The following PUDP variants were observed in gnomAD, a reference collection of about 807,000 sequenced individuals.
PUDP encodes the protein pseudouridine 5'-phosphatase, also known as pseudouridine-5'-phosphatase.
Under a neutral mutation model 9.4 loss-of-function variants are expected in PUDP, and 8 were observed. That is an observed-to-expected ratio of 0.85 (90% CI 0.50 to 1.53). The LOEUF (loss-of-function observed/expected upper bound fraction) is 1.53. Ranked by LOEUF, PUDP falls within the 40% of genes most tolerant of loss-of-function variation. The pLI is 0.00. For missense variants in PUDP, 188 were observed against 189.7 expected (o/e 0.99, Z 0.05); for synonymous variants, 99 against 80.7 (o/e 1.23, Z -1.22).
chrX:7,035,821 G>A (rs1165938153), intron 1 of PUDP, among the ~76,000 whole-genome samples: 5 of 111,774 alleles, frequency 4.5e-5, no homozygotes, highest in Non-Finnish European at 9.4e-5. Context: ...AGCTCATGTT[G>A]AAATTTAGTC....
intron 3 of PUDP, among the ~76,000 whole-genome samples, chrX:6,882,652 G>C (rs187769767): frequency 0.012 from 1,311 of 111,723 alleles, 66 homozygotes; most frequent in Admixed American, 0.11. Flanking sequence ...AGGCAATAAA[G>C]AAAATCCAAC....
chrX:6,841,990 G>A (rs1220253919), intron 3 of PUDP, among the ~76,000 whole-genome samples: 5 of 111,359 alleles, frequency 4.5e-5, no homozygotes, highest in Non-Finnish European at 9.4e-5. Flanking sequence ...GCTGTTGCAT[G>A]TGTGTGCTGC....
At chrX:6,710,664 A>G (rs16984281) in intron 1 of PUDP, among the ~76,000 whole-genome samples, 3,415 of 112,158 alleles carry the variant, frequency 0.03, 137 homozygotes, top group African/African-American at 0.1. Context: ...CAGACGTGCC[A>G]TTCCAAATAG....
chrX:7,022,432 A>G lies in PUDP; in HGVS notation c.205-44089T>C, dbSNP rs148840875. Among the ~76,000 whole-genome samples, 437 of 112,119 alleles carry G rather than the reference A, an allele frequency of 3.9e-3. 3 individuals are homozygous for G. Among genetic ancestry groups the G allele is most frequent in the African/African-American group, 0.014 (422 of 30,883 alleles). On this transcript the variant is annotated intron_variant and NMD_transcript_variant, in intron 1 of 3. Coordinates refer to the PUDP transcript ENST00000655425. ...GGGTAAGATTTCCCATGGTAGCTAC[A>G]TGATGGGCTAAATGTATCCTCAAGT...
chrX:7,043,144 C>A (rs1316983921), intron 1 of PUDP, among the ~76,000 whole-genome samples: 6 of 111,896 alleles, frequency 5.4e-5, no homozygotes, highest in African/African-American at 2.0e-4. Context: ...TGATCATTCA[C>A]AGATGACATG....
chrX:6,728,764 A>G (rs1447610070), intron 3 of PUDP, among the ~76,000 whole-genome samples: 2 of 111,614 alleles, frequency 1.8e-5, no homozygotes, highest in Admixed American at 1.9e-4. Flanking sequence ...GAAGTCACCC[A>G]TTACTTTTAG....
chrX:7,082,484 C>T (rs1305153084), intron 2 of PUDP, among the ~76,000 whole-genome samples: 2 of 111,886 alleles, frequency 1.8e-5, no homozygotes, highest in Admixed American at 9.4e-5. Flanking sequence ...GGGTTGACAA[C>T]GCAAAGTGGG....
intron 3 of PUDP, among the ~76,000 whole-genome samples, chrX:7,052,939 T>C: frequency 8.9e-6 from 1 of 112,249 alleles, no homozygotes; most frequent in Middle Eastern, 4.6e-3. Flanking sequence ...ACTGTCCAAG[T>C]TGGTTTTCTC....
chrX:6,823,986 C>T (rs968684707), intron 3 of PUDP, among the ~76,000 whole-genome samples: 2 of 112,254 alleles, frequency 1.8e-5, no homozygotes, highest in African/African-American at 6.5e-5. Flanking sequence ...GGGTTTTGGC[C>T]GGCTTCTTTA....
intron 3 of PUDP, among the ~76,000 whole-genome samples, chrX:6,728,565 C>G (rs1361043512): frequency 1.8e-5 from 2 of 111,697 alleles, no homozygotes; most frequent in African/African-American, 6.5e-5. Context: ...ATGAGAAAAC[C>G]AGGGCACAAA....
chrX:7,076,762 A>G (rs1484274506), intron 3 of PUDP, among the ~76,000 whole-genome samples: 1 of 112,179 alleles, frequency 8.9e-6, no homozygotes, highest in Non-Finnish European at 1.9e-5. Flanking sequence ...GCGTCACTAC[A>G]CAAGCAAAAA....
At chrX:6,772,888 C>CA (rs1207229832) in intron 3 of PUDP, among the ~76,000 whole-genome samples, 2 of 109,084 alleles carry the variant, frequency 1.8e-5, no homozygotes, top group African/African-American at 3.3e-5. Flanking sequence ...GACTCTGTCT[C>CA]AAAAAAAACA....
intron 2 of PUDP, 99 bp downstream of exon 2, chrX:7,105,521 G>T: frequency 1.7e-6 from 1 of 589,774 alleles, no homozygotes; most frequent in Non-Finnish European, 2.6e-6. Context: ...AAGAAAAGAG[G>T]ACAAACTAAG....
chrX:6,877,741 G>A (rs1183144006), intron 3 of PUDP, among the ~76,000 whole-genome samples: 2 of 111,794 alleles, frequency 1.8e-5, no homozygotes, highest in Non-Finnish European at 3.8e-5. Flanking sequence ...TTACTCAGCT[G>A]AGTATTTCAT....
chrX:7,028,726 G>A (rs1929752138), intron 1 of PUDP, among the ~76,000 whole-genome samples: 1 of 111,714 alleles, frequency 9.0e-6, no homozygotes, highest in South Asian at 3.8e-4. Flanking sequence ...CACGTGACTG[G>A]GAAGATTTCA....
intron 2 of PUDP, among the ~76,000 whole-genome samples, chrX:7,100,021 C>T (rs1931684198): frequency 1.2e-5 from 1 of 85,977 alleles, no homozygotes; most frequent in African/African-American, 4.6e-5. Flanking sequence ...CCCCACCTCA[C>T]CCCATCCCGT....
At chrX:6,814,271 C>T (rs4914910) in intron 3 of PUDP, among the ~76,000 whole-genome samples, 38,377 of 109,868 alleles carry the variant, frequency 0.35, 5,521 homozygotes, top group East Asian at 0.73. Flanking sequence ...AAATCTTTTT[C>T]TTCTATCTCT....
At chrX:6,720,256 G>GTATATATATATATA (rs1384554975) in intron 1 of PUDP, among the ~76,000 whole-genome samples, 1 of 37,137 alleles carries the variant, frequency 2.7e-5, no homozygotes, top group Non-Finnish European at 4.1e-5. Context: ...GTGTGTGTGT[G>GTATATATATATATA]TGTATATATA....
intron 1 of PUDP, among the ~76,000 whole-genome samples, chrX:7,016,361 T>C (rs1198597963): frequency 9.1e-6 from 1 of 110,422 alleles, no homozygotes; most frequent in Admixed American, 9.7e-5. Flanking sequence ...GAAGTTCATA[T>C]GAGAATCTCT....
Sources: allele counts gnomAD v4.1 joint callset (sites outside exome capture counted in the v4.1 genomes callset), GRCh38; gene constraint gnomAD v4.1.1; transcripts MANE v1.5; gene names NCBI Gene and HGNC (gene_info 2026-07-23, HGNC 2026-07-21).